PKP1: variants seen among roughly 807,000 people sequenced by gnomAD.
PKP1 encodes the protein plakophilin 1.
A neutral mutation model predicts 76.4 loss-of-function variants in PKP1; 27 were observed. That is an observed-to-expected ratio of 0.35 (90% CI 0.26 to 0.49). The LOEUF is 0.49. Ranked by LOEUF, PKP1 falls within the 20% of genes least tolerant of loss-of-function variation. The probability of loss-of-function intolerance (pLI) is 0.99; values close to 1 mark genes in which losing one functional copy is unlikely to be tolerated. For missense variants in PKP1, 964 were observed against 955.2 expected, an observed-to-expected ratio of 1.01 and a Z score of -0.12; for synonymous variants, 404 against 384.2, an observed-to-expected ratio of 1.05 and a Z score of -0.60.
intron 2 of PKP1, among the ~76,000 whole-genome samples, chr1:201,308,203 A>G (rs572182734): frequency 1.3e-5 from 2 of 151,626 alleles, no homozygotes; most frequent in South Asian, 4.1e-4. Context: ...GCACCGGCAC[A>G]GGCTGCCTCA....
intron 7 of PKP1, among the ~76,000 whole-genome samples, chr1:201,321,626 G>T (rs1656941223): frequency 6.6e-6 from 1 of 152,040 alleles, no homozygotes; most frequent in African/African-American, 2.4e-5. Context: ...TTGGCATGTT[G>T]TCCATAGCAG....
At chr1:201,328,935 A>G (rs1657230660) in intron 13 of PKP1, 67 bp downstream of exon 13, 1 of 991,358 alleles carries the variant, frequency 1.0e-6, no homozygotes. Context: ...AGTCTCAGAG[A>G]CAAGGGCTAG....
intron 2 of PKP1, among the ~76,000 whole-genome samples, chr1:201,298,062 C>T (rs1401665057): frequency 1.4e-5 from 2 of 146,776 alleles, no homozygotes; most frequent in South Asian, 2.1e-4. Flanking sequence ...CACTATGTCT[C>T]CCCACTCATT....
chr1:201,288,158 C>T (rs959441256), intron 1 of PKP1, among the ~76,000 whole-genome samples: 2 of 152,088 alleles, frequency 1.3e-5, no homozygotes, highest in African/African-American at 2.4e-5. Flanking sequence ...GTCGCTGCCT[C>T]TCTTTGGGTC....
Position 201,325,075 on chromosome 1 carries a change from C to A in PKP1, c.1969C>A (p.Gln657Lys). The change falls in exon 11 of 14, where the codon CAG becomes AAG. Residue 657 changes from glutamine to lysine, a missense_variant. Physicochemically the swap from Gln to Lys is moderately conservative, Grantham distance 53. Coordinates refer to ENST00000367324, the MANE Select transcript of PKP1 (RefSeq NM_001005337.3). The stretch of plus-strand genomic sequence containing the variant: ...GGCCTCGCAGCCACAACTGGCCAAG[C>A]AGTACTTCTCCAGCAGCATGCTCAA... ...LMASQPQLAK[Q>K]YFSSSMLNNI... is the part of the protein sequence containing the mutation. 1.2e-6 allele frequency: 2 copies of A among 1,614,060 alleles called. No homozygotes were observed. Among genetic ancestry groups the A allele is most frequent in the Non-Finnish European group, 1.7e-6 (2 of 1,180,040 alleles).
intron 2 of PKP1, among the ~76,000 whole-genome samples, chr1:201,302,442 A>T (rs1376503105): frequency 6.6e-6 from 1 of 152,174 alleles, no homozygotes; most frequent in African/African-American, 2.4e-5. Flanking sequence ...GCATGGGATT[A>T]AGTCATCAAA....
chr1:201,291,489 C>T (rs540062879), intron 1 of PKP1, among the ~76,000 whole-genome samples: 4 of 152,266 alleles, frequency 2.6e-5, no homozygotes, highest in African/African-American at 9.6e-5. Flanking sequence ...CAGGCAGGTG[C>T]AGGGTGTGGC....
At position 201,320,345 on chromosome 1, in the gene PKP1, C is replaced by G. The variant is rs1222377440; in HGVS notation, c.1311C>G (p.Val437=). The change falls in exon 7 of 14, where the codon GTC becomes GTG. Residue 437 remains valine (V), a synonymous_variant. Coordinates refer to ENST00000367324, the MANE Select transcript of PKP1 (RefSeq NM_001005337.3). The stretch of plus-strand genomic sequence containing the variant: ...TCATTGATTCCCTCATGGCCTATGT[C>G]CAGAACTGTGTAGCGGCCAGCCGCT... ...SGLIDSLMAY[V]QNCVAASRCD... is the part of the protein sequence containing the mutation. The G allele has an allele frequency of 6.2e-7, 1 of 1,613,884 alleles. No homozygotes were observed.
At chr1:201,321,258 T>G (rs1299507836) in intron 7 of PKP1, among the ~76,000 whole-genome samples, 1 of 152,150 alleles carries the variant, frequency 6.6e-6, no homozygotes, top group Non-Finnish European at 1.5e-5. Context: ...GTGTGCAATA[T>G]CTCCAACACC....
chr1:201,313,364 A>G lies in PKP1; in HGVS notation c.505A>G (p.Lys169Glu). 1 of 1,582,716 alleles carries G rather than the reference A, an allele frequency of 6.3e-7. No individual in the cohort carries two copies. Among genetic ancestry groups the G allele is most frequent in the African/African-American group, 1.3e-5 (1 of 74,576 alleles). Residue 169 changes from lysine (K) to glutamate (E), a missense_variant, in exon 3 of 14, where the codon AAG becomes GAG. Coordinates refer to ENST00000367324, the MANE Select transcript of PKP1 (RefSeq NM_001005337.3). ...CTGTGACCCACGGGGCACCCTGCGCAAGGGCACGCTGGGCAGCAAGGGCCA... is the reference window on the plus strand; with the variant it reads ...CTGTGACCCACGGGGCACCCTGCGCGAGGGCACGCTGGGCAGCAAGGGCCA... The part of the protein sequence containing the change: ...LYCDPRGTLR[K>E]GTLGSKGQKT...
chr1:201,312,768 C>T (rs1214001741), intron 2 of PKP1, among the ~76,000 whole-genome samples: 1 of 152,164 alleles, frequency 6.6e-6, no homozygotes, highest in African/African-American at 2.4e-5. Context: ...TCTTGGCTTC[C>T]TGGGTTCATC....
chr1:201,314,107 C>T (rs933057480), intron 3 of PKP1, among the ~76,000 whole-genome samples: 2 of 152,132 alleles, frequency 1.3e-5, no homozygotes, highest in African/African-American at 2.4e-5. Context: ...TTTCAGGTTA[C>T]GTTATAAGAC....
chr1:201,294,860 C>T (rs1383000475), intron 2 of PKP1, among the ~76,000 whole-genome samples: 3 of 152,290 alleles, frequency 2.0e-5, no homozygotes, highest in African/African-American at 7.2e-5. Flanking sequence ...GCAGTAGATG[C>T]TCAGGATACA....
At chr1:201,325,672 C>A in intron 11 of PKP1, 82 bp from the exon 12 acceptor site, 2 of 1,040,110 alleles carry the variant, frequency 1.9e-6, no homozygotes, top group Non-Finnish European at 3.0e-6. Context: ...CAGGCCCTGG[C>A]AGTGGGGGTG....
chr1:201,319,729 G>A lies in PKP1; in HGVS notation c.1233-538G>A. 3 of 1,335,862 alleles carry A rather than the reference G, an allele frequency of 2.2e-6. No individual in the cohort carries two copies. The South Asian group carries it at 3.5e-5, about 16-fold the overall frequency. 82.8% of individuals were successfully genotyped at this position (1,335,862 alleles called of 1,614,324 possible). A position where few individuals can be genotyped will look rare whatever the true frequency, so the allele number is the denominator to read the frequency against. On this transcript the variant is annotated intron_variant, in intron 6 of 13. Transcript: ENST00000367324. ...CTGCTGGGGGCAGAACACAGCTTGG[G>A]TGGAGAGGGAGCTTCTGGTGCCCAG...
chr1:201,309,271 T>C (rs1051662940), intron 2 of PKP1, among the ~76,000 whole-genome samples: 4 of 151,808 alleles, frequency 2.6e-5, no homozygotes, highest in African/African-American at 9.7e-5. Context: ...AACACCCCAC[T>C]TCTCCAAGAA....
chr1:201,287,393 A>G (rs1215571846), intron 1 of PKP1, among the ~76,000 whole-genome samples: 1 of 152,190 alleles, frequency 6.6e-6, no homozygotes, highest in Non-Finnish European at 1.5e-5. Context: ...GTGTTTGACT[A>G]TGTCTCAGCA....
chr1:201,304,261 TCCAGAAGATC>T (rs1210405609), intron 2 of PKP1, among the ~76,000 whole-genome samples: 1 of 152,148 alleles, frequency 6.6e-6, no homozygotes, highest in Non-Finnish European at 1.5e-5. Context: ...CTGAACTAAT[TCCAGAAGATC>T]CAGGGCTCAG....
chr1:201,331,956 A>T lies in PKP1; in HGVS notation c.*1915A>T, dbSNP rs919535031. Reference sequence around the variant, plus strand: ...TTTGTTGTCATCAGAACCCAGAGGAATTCTTCTCCTAAAAAATACGTATGG... The same window carrying T: ...TTTGTTGTCATCAGAACCCAGAGGATTTCTTCTCCTAAAAAATACGTATGG... On this transcript the variant is annotated 3_prime_UTR_variant, in exon 14 of 14. Coordinates refer to ENST00000367324, the MANE Select transcript of PKP1 (RefSeq NM_001005337.3). 5 of 152,416 alleles carry T rather than the reference A, an allele frequency of 3.3e-5. No individual in the cohort carries two copies. Among genetic ancestry groups the T allele is most frequent in the African/African-American group, 4.8e-5 (2 of 41,460 alleles). 9.4% of individuals were successfully genotyped at this position (152,416 alleles called of 1,614,324 possible).
Sources: gnomAD v4.1 joint callset for allele counts (sites outside exome capture counted in the v4.1 genomes callset) on GRCh38, gnomAD v4.1.1 for gene constraint, MANE v1.5 for transcripts, NCBI Gene and HGNC (gene_info 2026-07-23, HGNC 2026-07-21) for gene names.